TLN2: variants seen among roughly 807,000 people sequenced by gnomAD.
TLN2 encodes the protein talin-2.
TLN2 carries 118 observed loss-of-function variants against 294.7 expected under a neutral mutation model. That is an observed-to-expected ratio of 0.40 (90% CI 0.34 to 0.47). The LOEUF is 0.47. Ranked by LOEUF, TLN2 falls within the 20% of genes least tolerant of loss-of-function variation. TLN2 has a pLI of 0.84. For synonymous variants in TLN2, 1,431 were observed against 1,304.5 expected (o/e 1.10, Z -2.09); for missense variants, 3,083 against 3,282.2 (o/e 0.94, Z 1.48).
intron 1 of TLN2, among the ~76,000 whole-genome samples, chr15:62,433,306 G>C (rs2035113632): frequency 6.6e-6 from 1 of 152,102 alleles, no homozygotes; most frequent in African/African-American, 2.4e-5. Context: ...TGTTGTATCT[G>C]AATTAAGTCA....
At chr15:62,696,665 G>A (rs1472725763) in intron 14 of TLN2, among the ~76,000 whole-genome samples, 5 of 152,120 alleles carry the variant, frequency 3.3e-5, no homozygotes, top group East Asian at 1.9e-4. Context: ...CCGAGATCAC[G>A]CCACTGCACT....
At chr15:62,701,335 T>C (rs910132534) in intron 17 of TLN2, 121 bp downstream of exon 17, 55 of 787,040 alleles carry the variant, frequency 7.0e-5, no homozygotes, top group African/African-American at 1.4e-4. Context: ...TATGAGAGGA[T>C]AGTCTAAGGC....
chr15:62,458,489 C>T (rs946966510), intron 1 of TLN2, among the ~76,000 whole-genome samples: 1 of 151,590 alleles, frequency 6.6e-6, no homozygotes, highest in Non-Finnish European at 1.5e-5. Flanking sequence ...TTTGCCATTC[C>T]TGGAGTGTCT....
chr15:62,537,176 G>A (rs529641336), intron 1 of TLN2, among the ~76,000 whole-genome samples: 48 of 151,976 alleles, frequency 3.2e-4, no homozygotes, highest in Admixed American at 3.1e-3. Flanking sequence ...CTGCCACCAC[G>A]CCCGGCTAAT....
At chr15:62,782,683 C>T (rs867418685) in intron 44 of TLN2, among the ~76,000 whole-genome samples, 2 of 152,220 alleles carry the variant, frequency 1.3e-5, no homozygotes, top group Non-Finnish European at 2.9e-5. Flanking sequence ...CACTCACTCT[C>T]GTGCAGCTCA....
chr15:62,594,297 T>C (rs1211062775), intron 2 of TLN2, among the ~76,000 whole-genome samples: 6 of 152,186 alleles, frequency 3.9e-5, no homozygotes, highest in Non-Finnish European at 5.9e-5. Flanking sequence ...AGCCTTGACC[T>C]CCTAGGCACA....
chr15:62,639,294 T>C (rs12442652), intron 3 of TLN2, among the ~76,000 whole-genome samples: 136,703 of 152,042 alleles, frequency 0.9, 61,955 homozygotes, highest in East Asian at 0.99. Context: ...TGCTGCTATA[T>C]TGGGGACTGT....
At chr15:62,836,166 C>A in intron 57 of TLN2, 93 bp downstream of exon 57, 1 of 1,499,560 alleles carries the variant, frequency 6.7e-7, no homozygotes, top group Non-Finnish European at 8.9e-7. Flanking sequence ...GCATGACCCA[C>A]CAGGCCTTCC....
chr15:62,475,683 C>T (rs1471918232), intron 1 of TLN2, among the ~76,000 whole-genome samples: 1 of 151,962 alleles, frequency 6.6e-6, no homozygotes, highest in Non-Finnish European at 1.5e-5. Flanking sequence ...GATTTTCTTC[C>T]CCTGCTCAAA....
At chr15:62,678,568 C>T (rs2056484351) in intron 11 of TLN2, among the ~76,000 whole-genome samples, 3 of 152,016 alleles carry the variant, frequency 2.0e-5, no homozygotes, top group Admixed American at 1.3e-4. Context: ...TGGTGGCTCA[C>T]GCCTGTAATC....
At chr15:62,743,510 TA>T (rs1258105946) in intron 32 of TLN2, among the ~76,000 whole-genome samples, 3 of 152,142 alleles carry the variant, frequency 2.0e-5, no homozygotes, top group African/African-American at 7.2e-5. Context: ...TTTGGATGCC[TA>T]GGGGAGAGGA....
intron 30 of TLN2, 100 bp from the exon 31 acceptor site, chr15:62,739,248 T>G: frequency 7.5e-7 from 1 of 1,326,644 alleles, no homozygotes; most frequent in Non-Finnish European, 1.0e-6. Flanking sequence ...ATGACTCAAA[T>G]GCATCTCTGA....
intron 40 of TLN2, 130 bp downstream of exon 40, chr15:62,763,825 C>A: frequency 7.5e-7 from 1 of 1,336,216 alleles, no homozygotes; most frequent in Non-Finnish European, 9.9e-7. Context: ...ATTAGACAGC[C>A]ATTCTCTGTG....
chr15:62,576,666 C>CTG (rs2044438985), intron 1 of TLN2, among the ~76,000 whole-genome samples: 1 of 113,780 alleles, frequency 8.8e-6, no homozygotes, highest in Non-Finnish European at 1.8e-5. Context: ...TGATTCCCCC[C>CTG]CCCGCCCCCC....
intron 53 of TLN2, 139 bp from the exon 54 acceptor site, chr15:62,820,347 C>G: frequency 2.5e-6 from 1 of 400,526 alleles, no homozygotes; most frequent in East Asian, 1.0e-4. Flanking sequence ...TTATGAGAGA[C>G]GGAAGGAAGG....
At chr15:62,584,600 T>C (rs2045433103) in intron 1 of TLN2, among the ~76,000 whole-genome samples, 1 of 152,200 alleles carries the variant, frequency 6.6e-6, no homozygotes, top group South Asian at 2.1e-4. Context: ...CCTTGGAGTC[T>C]CATATCTTCT....
intron 1 of TLN2, among the ~76,000 whole-genome samples, chr15:62,537,472 C>T (rs1445142862): frequency 6.6e-6 from 1 of 152,132 alleles, no homozygotes; most frequent in African/African-American, 2.4e-5. Flanking sequence ...GAGGTCTCAG[C>T]TCCTAGAAAG....
chr15:62,494,184 G>A (rs1194310469), intron 1 of TLN2, among the ~76,000 whole-genome samples: 1 of 152,140 alleles, frequency 6.6e-6, no homozygotes, highest in Non-Finnish European at 1.5e-5. Flanking sequence ...GTTTGGGTGG[G>A]CATAGCCAAG....
At chr15:62,667,090 C>T (rs1397555505) in intron 9 of TLN2, among the ~76,000 whole-genome samples, 7 of 152,170 alleles carry the variant, frequency 4.6e-5, no homozygotes, top group Non-Finnish European at 8.8e-5. Flanking sequence ...CTCAGCCTCC[C>T]GAGTAGCTGG....
Sources: allele counts gnomAD v4.1 joint callset (sites outside exome capture counted in the v4.1 genomes callset), GRCh38; gene constraint gnomAD v4.1.1; transcripts MANE v1.5; gene names NCBI Gene and HGNC (gene_info 2026-07-23, HGNC 2026-07-21).